MATN2: variants seen among roughly 807,000 people sequenced by gnomAD.
The protein encoded by MATN2 is matrilin 2.
In MATN2, 69 loss-of-function variants were observed where a neutral mutation model predicts 103.2. The observed-to-expected ratio is 0.67, with a 90% confidence interval of 0.55 to 0.82. The LOEUF (loss-of-function observed/expected upper bound fraction) is 0.82, where lower values mean the gene tolerates loss of function less well. Ranked by LOEUF, MATN2 falls within the 40% of genes least tolerant of loss-of-function variation. MATN2 has a pLI of 0.00. For missense variants in MATN2, 1,023 were observed against 1,211.5 expected (o/e 0.84, Z 2.31); for synonymous variants, 429 against 450.2 (o/e 0.95, Z 0.60).
chr8:98,006,145 G>A (rs546800117), intron 8 of MATN2, among the ~76,000 whole-genome samples: 7 of 152,344 alleles, frequency 4.6e-5, no homozygotes, highest in Admixed American at 2.6e-4. Context: ...CTTGCTGCCC[G>A]GAGGACCAGC....
Position 97,916,907 on chromosome 8 carries a change from G to A in MATN2, c.143-14046G>A, listed in dbSNP as rs545509715. Among the ~76,000 whole-genome samples the A allele has an allele frequency of 4.6e-5, 7 of 152,272 alleles. No homozygotes were observed. The East Asian group carries it at 1.2e-3, about 25-fold the overall frequency. On this transcript the variant is annotated intron_variant, in intron 2 of 18. Transcript: ENST00000254898. ...TTCAGCTCATGCAACATTTACTAGAGGAGACTGGTGTGATGTGGCGTGTTT... is the reference window on the plus strand; with the variant it reads ...TTCAGCTCATGCAACATTTACTAGAAGAGACTGGTGTGATGTGGCGTGTTT...
At chr8:97,962,645 A>G (rs1811353323) in intron 5 of MATN2, among the ~76,000 whole-genome samples, 1 of 152,246 alleles carries the variant, frequency 6.6e-6, no homozygotes, top group African/African-American at 2.4e-5. Flanking sequence ...TGGCCATGAT[A>G]GAGTGGCAGG....
In MATN2 at chr8:97,890,232, C is replaced by T. The variant is rs370220078; in HGVS notation, c.142+1990C>T. ...CTGCAATCCCAGCACTTTGGGAGGC[C>T]GAGGTGGGCGGATCACAAGGTCAGG... On this transcript the variant is annotated intron_variant, in intron 2 of 18. Coordinates refer to ENST00000254898, the MANE Select transcript of MATN2 (RefSeq NM_002380.5). 1.8e-3 allele frequency among the ~76,000 whole-genome samples: 269 copies of T among 152,106 alleles called. No homozygotes were observed. The South Asian group carries it at 0.018, about 10-fold the overall frequency.
At chr8:97,975,991 C>T (rs1486863759) in intron 5 of MATN2, among the ~76,000 whole-genome samples, 3 of 152,174 alleles carry the variant, frequency 2.0e-5, no homozygotes, top group Non-Finnish European at 4.4e-5. Context: ...CAGCTGATAT[C>T]CAATGACGTT....
intron 11 of MATN2, among the ~76,000 whole-genome samples, chr8:98,017,690 A>G (rs941728918): frequency 1.3e-5 from 2 of 152,254 alleles, no homozygotes; most frequent in African/African-American, 4.8e-5. Context: ...CTAAGGAATC[A>G]TATCAAGTGT....
At chr8:97,921,413 CATT>C (rs1388671302) in intron 2 of MATN2, among the ~76,000 whole-genome samples, 1 of 152,164 alleles carries the variant, frequency 6.6e-6, no homozygotes, top group African/African-American at 2.4e-5. Flanking sequence ...TCATCAACTG[CATT>C]CTACAGTGTC....
chr8:97,928,837 A>G (rs1240246003), intron 2 of MATN2, among the ~76,000 whole-genome samples: 1 of 152,010 alleles, frequency 6.6e-6, no homozygotes. Context: ...ACCTCTGTAT[A>G]TTTTTTTCTT....
chr8:97,878,696 A>G (rs1261234607), intron 1 of MATN2, among the ~76,000 whole-genome samples: 6 of 151,796 alleles, frequency 4.0e-5, no homozygotes, highest in African/African-American at 1.5e-4. Context: ...CTAAAAATAC[A>G]AAAAATTAGC....
intron 2 of MATN2, among the ~76,000 whole-genome samples, chr8:97,900,661 C>A (rs937512558): frequency 6.6e-6 from 1 of 152,116 alleles, no homozygotes; most frequent in African/African-American, 2.4e-5. Context: ...ACCAGCCGGG[C>A]GTGGTGACTC....
intron 6 of MATN2, among the ~76,000 whole-genome samples, chr8:97,992,873 T>C (rs1193440762): frequency 1.3e-5 from 2 of 150,428 alleles, no homozygotes; most frequent in Admixed American, 6.6e-5. Context: ...TGAGCCTAGA[T>C]TGCGACATTG....
intron 2 of MATN2, among the ~76,000 whole-genome samples, chr8:97,889,681 T>G (rs1208979714): frequency 6.6e-6 from 1 of 151,734 alleles, no homozygotes; most frequent in Non-Finnish European, 1.5e-5. Flanking sequence ...TGGCCTCGAG[T>G]GATCTGCCAT....
At chr8:97,873,366 T>C (rs916061117) in intron 1 of MATN2, among the ~76,000 whole-genome samples, 51 of 151,548 alleles carry the variant, frequency 3.4e-4, no homozygotes, top group Non-Finnish European at 6.8e-4. Flanking sequence ...TTTTTTTTTT[T>C]CCCAGACAGT....
rs766655761 is a variant in MATN2, at chr8:97,943,178, G to T, written c.835+1279G>T. Among the ~76,000 whole-genome samples, 71 of 152,100 alleles carry T rather than the reference G, an allele frequency of 4.7e-4. 2 individuals are homozygous for T. The highest frequency in any genetic ancestry group is 4.1e-3 in the Admixed American group (63 of 15,254). On this transcript the variant is annotated intron_variant, in intron 4 of 18. Coordinates refer to ENST00000254898, the MANE Select transcript of MATN2 (RefSeq NM_002380.5). ...TAAAGAACTGGGGGAGCCTGGGAAA[G>T]GTCATCTCACACACTGCTCAGCAAA...
At position 97,941,914 on chromosome 8, in the gene MATN2, C is replaced by CTGAT. The variant is rs2130183593; in HGVS notation, c.835+16_835+19dup. ...GACTTGCAGAAGTAAGATTGCTTTG[C>CTGAT]TGATGTATTTGTGGTTTCTTCCTAT... On this transcript the variant is annotated intron_variant, in intron 4 of 18. Coordinates refer to ENST00000254898, the MANE Select transcript of MATN2 (RefSeq NM_002380.5). The CTGAT allele has an allele frequency of 6.2e-7, 1 of 1,611,474 alleles. No individual in the cohort carries two copies. The highest frequency in any genetic ancestry group is 2.2e-5 in the East Asian group (1 of 44,766).
At chr8:97,913,215 G>T (rs972413191) in intron 2 of MATN2, among the ~76,000 whole-genome samples, 2 of 152,188 alleles carry the variant, frequency 1.3e-5, no homozygotes, top group African/African-American at 4.8e-5. Context: ...GATAGTCTGG[G>T]AAATATTTGT....
intron 2 of MATN2, among the ~76,000 whole-genome samples, chr8:97,923,824 G>A (rs889533729): frequency 3.9e-5 from 6 of 152,092 alleles, no homozygotes; most frequent in South Asian, 2.1e-4. Flanking sequence ...CCCAAAGTGC[G>A]GGGATTACAG....
At chr8:98,028,780 G>A (rs1247734433) in intron 14 of MATN2, among the ~76,000 whole-genome samples, 2 of 152,150 alleles carry the variant, frequency 1.3e-5, no homozygotes, top group South Asian at 4.1e-4. Context: ...GTGGAGATGG[G>A]GTTTCACCGT....
chr8:97,915,200 C>G (rs963086530), intron 2 of MATN2, among the ~76,000 whole-genome samples: 3 of 152,108 alleles, frequency 2.0e-5, no homozygotes, highest in Admixed American at 1.3e-4. Flanking sequence ...CCATGTTGCC[C>G]AGGCTGGTCT....
rs115571810 is a variant in MATN2 at position 97,926,010 on chromosome 8, C to A, written c.143-4943C>A. 3.7e-3 allele frequency among the ~76,000 whole-genome samples: 560 copies of A among 152,306 alleles called. 4 individuals carry two copies. Among genetic ancestry groups the A allele is most frequent in the African/African-American group, 0.013 (525 of 41,558 alleles). On this transcript the variant is annotated intron_variant, in intron 2 of 18. Transcript: ENST00000254898. ...AGGAGGAAATAGTTCTGATGTTGCA[C>A]ATTGTCATTCTGCTGGAGTAGGAAT...
Sources: allele counts gnomAD v4.1 joint callset (sites outside exome capture counted in the v4.1 genomes callset), GRCh38; gene constraint gnomAD v4.1.1; transcripts MANE v1.5; gene names NCBI Gene and HGNC (gene_info 2026-07-23, HGNC 2026-07-21).